EIF3H: variants seen among roughly 807,000 people sequenced by gnomAD.
The protein encoded by EIF3H is eukaryotic translation initiation factor 3 subunit H.
A neutral mutation model predicts 44.2 loss-of-function variants in EIF3H; 26 were observed. The ratio of observed to expected loss-of-function variants is 0.59; its 90% CI spans 0.43 to 0.82. The LOEUF is 0.82. Among genes scored for constraint, EIF3H ranks in the 40% least tolerant of loss-of-function variants. The pLI, the probability that EIF3H is intolerant of heterozygous loss-of-function variation, is 0.00. For synonymous variants in EIF3H, 166 were observed against 151.9 expected, an observed-to-expected ratio of 1.09 and a Z score of -0.68; for missense variants, 359 against 432.8, an observed-to-expected ratio of 0.83 and a Z score of 1.51.
At chr8:116,727,377 G>A (rs1814862536) in intron 1 of EIF3H, among the ~76,000 whole-genome samples, 1 of 152,208 alleles carries the variant, frequency 6.6e-6, no homozygotes, top group South Asian at 2.1e-4. Flanking sequence ...TGGCTAACCA[G>A]GAAACTAAAG....
At chr8:116,736,947 C>A (rs1473441164) in intron 1 of EIF3H, among the ~76,000 whole-genome samples, 2 of 152,066 alleles carry the variant, frequency 1.3e-5, no homozygotes, top group Non-Finnish European at 2.9e-5. Flanking sequence ...TTGTTGAAGA[C>A]AAAGTATACT....
In EIF3H at chr8:116,726,033, T is replaced by C. The variant is rs777492766; in HGVS notation, c.272A>G (p.Asp91Gly). 1.2e-6 allele frequency: 2 copies of C among 1,613,942 alleles called. No individual in the cohort carries two copies. The highest frequency in any genetic ancestry group is 3.3e-5 in the Admixed American group (2 of 59,998). Residue 91 changes from aspartate to glycine, a missense_variant, in exon 2 of 8, where the codon GAT becomes GGT. Asp to Gly is a moderately conservative substitution (Grantham distance 94, BLOSUM62 -1). Transcript: ENST00000521861. ...CFPFPQHTED[D>G]ADFDEVQYQM... ...ACCCTTACCTTCATCAAAGTCAGCA[T>C]CATCCTCTGTGTGCTGAGGGAAAGG...
chr8:116,762,521 G>A (rs1815527570), intron 1 of EIF3H, among the ~76,000 whole-genome samples: 1 of 152,120 alleles, frequency 6.6e-6, no homozygotes, highest in Non-Finnish European at 1.5e-5. Context: ...ACACAAAAGT[G>A]CCCACTGCCA....
intron 2 of EIF3H, among the ~76,000 whole-genome samples, chr8:116,699,189 A>G (rs1814326573): frequency 6.6e-6 from 1 of 152,120 alleles, no homozygotes; most frequent in Non-Finnish European, 1.5e-5. Flanking sequence ...TTGGGTGTAC[A>G]TGCCTAAATC....
rs896223637 is a variant in EIF3H, at chr8:116,706,635, A to T, written c.289+19381T>A. Among the ~76,000 whole-genome samples the T allele has an allele frequency of 2.6e-5, 4 of 152,290 alleles. No homozygotes were observed. The East Asian group carries it at 7.7e-4, about 29-fold the overall frequency. On this transcript the variant is annotated intron_variant, in intron 2 of 7. Transcript: ENST00000521861. ...CTGCAACCTCCATTTCCCGGTTTCA[A>T]GAGATTCTTGTGCCTCAGCCTCACG...
At chr8:116,759,128 G>A (rs1233682916), upstream of EIF3H, among the ~76,000 whole-genome samples, 1 of 152,104 alleles carries the variant, frequency 6.6e-6, no homozygotes, top group African/African-American at 2.4e-5. Context: ...ATTTCATTGT[G>A]GATATTTATT....
chr8:116,708,580 T>C (rs1367647207), intron 2 of EIF3H, among the ~76,000 whole-genome samples: 1 of 152,124 alleles, frequency 6.6e-6, no homozygotes, highest in African/African-American at 2.4e-5. Context: ...TGAGATAATT[T>C]ATCAAGCAAA....
intron 1 of EIF3H, among the ~76,000 whole-genome samples, chr8:116,740,961 T>C (rs1009702221): frequency 1.3e-5 from 2 of 152,234 alleles, no homozygotes; most frequent in East Asian, 1.9e-4. Context: ...CCACTCAAAC[T>C]ACCTAGCACA....
chr8:116,747,845 C>T (rs1815264354), intron 1 of EIF3H, among the ~76,000 whole-genome samples: 1 of 152,194 alleles, frequency 6.6e-6, no homozygotes, highest in South Asian at 2.1e-4. Context: ...TGCGGTGGCT[C>T]ACACCTGTAA....
intron 2 of EIF3H, 35 bp from the exon 3 acceptor site, chr8:116,659,015 AC>A: frequency 6.4e-7 from 1 of 1,555,858 alleles, no homozygotes; most frequent in Non-Finnish European, 8.7e-7. Context: ...AAAAGAAAAA[AC>A]TTTTTAATGA....
At chr8:116,673,082 C>G (rs374169330) in intron 2 of EIF3H, among the ~76,000 whole-genome samples, 3 of 151,718 alleles carry the variant, frequency 2.0e-5, no homozygotes, top group Non-Finnish European at 2.9e-5. Context: ...GTACCTCTCC[C>G]CAGGGTTTCA....
At chr8:116,675,106 A>T (rs901857001) in intron 2 of EIF3H, among the ~76,000 whole-genome samples, 1 of 137,104 alleles carries the variant, frequency 7.3e-6, no homozygotes, top group East Asian at 2.4e-4. Flanking sequence ...GATTTATAAA[A>T]AAATCTCTTT....
chr8:116,670,455 T>C (rs1813734421), intron 2 of EIF3H, among the ~76,000 whole-genome samples: 1 of 152,136 alleles, frequency 6.6e-6, no homozygotes, highest in Non-Finnish European at 1.5e-5. Flanking sequence ...GGACAGCCAA[T>C]AGAATGTGAC....
intron 1 of EIF3H, among the ~76,000 whole-genome samples, chr8:116,727,305 A>G (rs1563654601): frequency 6.6e-6 from 1 of 152,214 alleles, no homozygotes; most frequent in Non-Finnish European, 1.5e-5. Context: ...GGAAAGGATA[A>G]ATCTTCAGAC....
intron 1 of EIF3H, among the ~76,000 whole-genome samples, chr8:116,764,165 AC>A (rs1203776642): frequency 6.6e-6 from 1 of 152,256 alleles, no homozygotes; most frequent in Non-Finnish European, 1.5e-5. Context: ...TGTCCAGTGG[AC>A]TGACCTGAGA....
At chr8:116,672,718 A>G (rs192897669) in intron 2 of EIF3H, among the ~76,000 whole-genome samples, 1 of 152,282 alleles carries the variant, frequency 6.6e-6, no homozygotes, top group African/African-American at 2.4e-5. Context: ...AATTTAAGAA[A>G]TGACAAGATT....
chr8:116,665,450 T>C (rs1211249427), intron 2 of EIF3H, among the ~76,000 whole-genome samples: 1 of 152,132 alleles, frequency 6.6e-6, no homozygotes, highest in Non-Finnish European at 1.5e-5. Context: ...TACAGGTATA[T>C]AGATGGAACA....
At chr8:116,702,980 C>A (rs10089833) in intron 2 of EIF3H, among the ~76,000 whole-genome samples, 67,272 of 151,972 alleles carry the variant, frequency 0.44, 18,746 homozygotes, top group Non-Finnish European at 0.62. Context: ...AGATCCCTCA[C>A]ATGCGCAGCT....
At chr8:116,739,375 G>T (rs1011847823) in intron 1 of EIF3H, among the ~76,000 whole-genome samples, 1 of 152,242 alleles carries the variant, frequency 6.6e-6, no homozygotes, top group African/African-American at 2.4e-5. Flanking sequence ...TGGCGGCCGG[G>T]CGCCATGGCT....
Sources: allele counts gnomAD v4.1 joint callset (sites outside exome capture counted in the v4.1 genomes callset), GRCh38; gene constraint gnomAD v4.1.1; transcripts MANE v1.5; gene names NCBI Gene and HGNC (gene_info 2026-07-23, HGNC 2026-07-21).